The following DLG2 variants were observed in gnomAD, a reference collection of about 807,000 sequenced individuals.
DLG2 encodes discs large MAGUK scaffold protein 2, also known as disks large homolog 2.
A neutral mutation model predicts 132.5 loss-of-function variants in DLG2; 45 were observed. That is an observed-to-expected ratio of 0.34 (90% CI 0.27 to 0.44). DLG2 has a LOEUF of 0.44. Ranked by LOEUF, DLG2 falls within the 20% of genes least tolerant of loss-of-function variation. The probability of loss-of-function intolerance (pLI) is 1.00; values close to 1 mark genes in which losing one functional copy is unlikely to be tolerated. For synonymous variants in DLG2, 424 were observed against 419.6 expected, an observed-to-expected ratio of 1.01 and a Z score of -0.13; for missense variants, 1,045 against 1,196.9, an observed-to-expected ratio of 0.87 and a Z score of 1.87.
chr11:84,085,415 A>G, intron 10 of DLG2, among the ~76,000 whole-genome samples: 1 of 152,294 alleles, frequency 6.6e-6, no homozygotes, highest in South Asian at 2.1e-4. Flanking sequence ...TAAAGCTGCA[A>G]TCAGCTCTTT....
chr11:83,603,847 T>C (rs987207796), intron 19 of DLG2, among the ~76,000 whole-genome samples: 1 of 152,220 alleles, frequency 6.6e-6, no homozygotes, highest in Non-Finnish European at 1.5e-5. Context: ...GATTGCTTTA[T>C]AGTTCTCCAT....
intron 3 of DLG2, among the ~76,000 whole-genome samples, chr11:85,481,307 T>G (rs1004544977): frequency 6.6e-6 from 1 of 152,166 alleles, no homozygotes; most frequent in Non-Finnish European, 1.5e-5. Context: ...AGAATAGGGC[T>G]CTCTAATGCT....
intron 3 of DLG2, among the ~76,000 whole-genome samples, chr11:85,551,420 T>C (rs535652429): frequency 6.6e-6 from 1 of 152,244 alleles, no homozygotes; most frequent in East Asian, 1.9e-4. Flanking sequence ...CAGACTTCAG[T>C]TTTTAATGTA....
Position 84,544,228 on chromosome 11 carries a change from A to G in DLG2, c.358-9497T>C, listed in dbSNP as rs2099385033. ...ACACAGGAGAGGTAACTGTAATTCT[A>G]AAGTTAACTGTTTAATTCTAAACAG... is the stretch of plus-strand genomic sequence containing the variant. On this transcript the variant is annotated intron_variant, in intron 6 of 27. Coordinates refer to ENST00000376104, the MANE Select transcript of DLG2 (RefSeq NM_001142699.3). Among the ~76,000 whole-genome samples, 3 of 152,220 alleles carry G rather than the reference A, an allele frequency of 2.0e-5. No homozygotes were observed. In the South Asian group the frequency reaches 6.2e-4, roughly 31 times the overall value.
At position 85,122,869 on chromosome 11, in the gene DLG2, C is replaced by A. The variant is rs374871426; in HGVS notation, c.283-11134G>T. On this transcript the variant is annotated intron_variant, in intron 5 of 27. Coordinates refer to ENST00000376104, the MANE Select transcript of DLG2 (RefSeq NM_001142699.3). ...ACACATAAATGCACACACATATACA[C>A]ACATATATATGTATATTTATACACA... Among the ~76,000 whole-genome samples, 35 of 145,832 alleles carry A rather than the reference C, an allele frequency of 2.4e-4. No individual in the cohort carries two copies. In the East Asian group the frequency reaches 3.0e-3, roughly 13 times the overall value.
At chr11:84,469,536 T>G (rs2099103212) in intron 7 of DLG2, among the ~76,000 whole-genome samples, 1 of 151,598 alleles carries the variant, frequency 6.6e-6, no homozygotes, top group Non-Finnish European at 1.5e-5. Context: ...CATCACATAT[T>G]GGTGGCAACT....
intron 18 of DLG2, among the ~76,000 whole-genome samples, chr11:83,660,745 A>C: frequency 6.6e-6 from 1 of 152,314 alleles, no homozygotes; most frequent in South Asian, 2.1e-4. Context: ...CTTGAGGTAC[A>C]TAAGGGGGTG....
chr11:84,551,431 T>G (rs546336720), intron 6 of DLG2, among the ~76,000 whole-genome samples: 1 of 152,354 alleles, frequency 6.6e-6, no homozygotes, highest in East Asian at 1.9e-4. Context: ...CTAATTTTCT[T>G]GTCCTGCTGC....
At chr11:85,322,049 T>C (rs556639271) in intron 3 of DLG2, among the ~76,000 whole-genome samples, 4 of 152,176 alleles carry the variant, frequency 2.6e-5, no homozygotes, top group Admixed American at 6.5e-5. Flanking sequence ...TATTCAGTAA[T>C]ATTCTCCTCT....
chr11:85,506,039 T>G (rs1352319158), intron 3 of DLG2, among the ~76,000 whole-genome samples: 1 of 152,242 alleles, frequency 6.6e-6, no homozygotes, highest in Non-Finnish European at 1.5e-5. Context: ...GATGGTAGTT[T>G]GTATTTCTGT....
intron 6 of DLG2, among the ~76,000 whole-genome samples, chr11:84,561,395 T>A (rs2099428505): frequency 6.6e-6 from 1 of 152,074 alleles, no homozygotes; most frequent in East Asian, 1.9e-4. Context: ...CTTTTAAGAC[T>A]CATATTAAAT....
intron 6 of DLG2, among the ~76,000 whole-genome samples, chr11:85,045,564 CAAAAT>C (rs2062263706): frequency 6.6e-6 from 1 of 151,692 alleles, no homozygotes. Context: ...CAACAAAAGA[CAAAAT>C]AAACAAAAAA....
At chr11:84,944,492 T>C (rs886502821) in intron 6 of DLG2, among the ~76,000 whole-genome samples, 1 of 152,098 alleles carries the variant, frequency 6.6e-6, no homozygotes, top group African/African-American at 2.4e-5. Flanking sequence ...TTTTTTCTTC[T>C]GCTTGATCAG....
At chr11:85,287,881 T>A (rs2078659535) in intron 3 of DLG2, among the ~76,000 whole-genome samples, 1 of 152,062 alleles carries the variant, frequency 6.6e-6, no homozygotes, top group Non-Finnish European at 1.5e-5. Flanking sequence ...AGTTGCAATA[T>A]GAAAAAAATT....
At chr11:84,671,360 A>G (rs1438891748) in intron 6 of DLG2, among the ~76,000 whole-genome samples, 1 of 151,962 alleles carries the variant, frequency 6.6e-6, no homozygotes, top group African/African-American at 2.4e-5. Context: ...ATCTAGGCCT[A>G]CCAAAGTGCT....
intron 19 of DLG2, chr11:83,631,891 A>G (rs1027296326): frequency 6.6e-6 from 1 of 152,212 alleles, no homozygotes; most frequent in Non-Finnish European, 1.5e-5. Flanking sequence ...TAGACCAGCA[A>G]TACAACACAA....
chr11:83,789,550 C>T (rs1566970167), intron 17 of DLG2, among the ~76,000 whole-genome samples: 2 of 144,104 alleles, frequency 1.4e-5, no homozygotes, highest in African/African-American at 5.1e-5. Context: ...AAACTGATGA[C>T]TTTTTTTTTT....
chr11:85,034,174 T>C (rs1257813694), intron 6 of DLG2, among the ~76,000 whole-genome samples: 2 of 151,550 alleles, frequency 1.3e-5, no homozygotes. Context: ...ACCTCCCAGG[T>C]TCACGCCATT....
At position 84,506,079 on chromosome 11, in the gene DLG2, C is replaced by CTTTTTTTTTTTTTTTTTTTTTTTTT. The variant is rs779039240; in HGVS notation, c.519+28490_519+28491insAAAAAAAAAAAAAAAAAAAAAAAAA. On this transcript the variant is annotated intron_variant, in intron 7 of 27. Coordinates refer to ENST00000376104, the MANE Select transcript of DLG2 (RefSeq NM_001142699.3). ...CTAATGTTATGACAGAGGCTCAGTT[C>CTTTTTTTTTTTTTTTTTTTTTTTTT]TTTTTTTTTTTTTTGAGACGGAGTC... 9.8e-4 allele frequency among the ~76,000 whole-genome samples: 105 copies of CTTTTTTTTTTTTTTTTTTTTTTTTT among 107,012 alleles called. 30 individuals carry two copies. Among genetic ancestry groups the CTTTTTTTTTTTTTTTTTTTTTTTTT allele is most frequent in the African/African-American group, 4.9e-3 (97 of 19,728 alleles). 70.2% of individuals were successfully genotyped at this position (107,012 alleles called of 152,430 possible).
Sources: gnomAD v4.1 joint callset for allele counts (sites outside exome capture counted in the v4.1 genomes callset) on GRCh38, gnomAD v4.1.1 for gene constraint, MANE v1.5 for transcripts, NCBI Gene and HGNC (gene_info 2026-07-23, HGNC 2026-07-21) for gene names.